The following ZNF600 variants were observed in gnomAD, a reference collection of about 807,000 sequenced individuals.
ZNF600 encodes zinc finger protein 600.
Under a neutral mutation model 7.3 loss-of-function variants are expected in ZNF600, and 4 were observed. The observed-to-expected ratio is 0.55, with a 90% CI of 0.27 to 1.25. The LOEUF is 1.25. Ranked by LOEUF, ZNF600 falls within the 50% of genes most tolerant of loss-of-function variation. The pLI is 0.12. For synonymous variants in ZNF600, 290 were observed against 308.9 expected, an observed-to-expected ratio of 0.94 and a Z score of 0.64; for missense variants, 911 against 922.1, an observed-to-expected ratio of 0.99 and a Z score of 0.16.
the ZNF600 span, chr19:52,801,186 C>T: frequency 6.2e-7 from 1 of 1,614,150 alleles, no homozygotes. Flanking sequence ...GGATTTGCCA[C>T]TCTCAATACA....
intron 3 of ZNF600, among the ~76,000 whole-genome samples, chr19:52,774,026 T>C (rs56201935): frequency 0.37 from 56,806 of 151,644 alleles, 12,571 homozygotes; most frequent in Non-Finnish European, 0.51. Flanking sequence ...CCTGGCAGCA[T>C]TATTTATAAT....
exon 4 of ZNF600, chr19:52,766,210 G>T: frequency 6.2e-7 from 1 of 1,613,674 alleles, no homozygotes; most frequent in South Asian, 1.1e-5. Context: ...ACTCTGCGAT[G>T]GCTTGCAAGG....
chr19:52,786,707 A>C lies in ZNF600; in HGVS notation c.-132T>G, dbSNP rs1295414903. 3.1e-6 allele frequency: 1 copy of C among 321,082 alleles called. No homozygotes were observed. Among genetic ancestry groups the C allele is most frequent in the Non-Finnish European group, 6.7e-6 (1 of 149,556 alleles). 19.9% of individuals were successfully genotyped at this position (321,082 alleles called of 1,614,324 possible). On this transcript the variant is annotated 5_prime_UTR_variant, in exon 1 of 4. The change creates a new upstream start codon in the 5' untranslated region. Coordinates refer to ENST00000648973, the Ensembl canonical transcript of ZNF600. The stretch of plus-strand genomic sequence containing the variant: ...CCGGGGACCTGGGAAGTGCAGACTT[A>C]ATCCAAGGCAGAGCAAAACTCACGC...
At chr19:52,767,082 T>C in exon 4 of ZNF600, 2 of 1,614,172 alleles carry the variant, frequency 1.2e-6, no homozygotes, top group Non-Finnish European at 8.5e-7. Context: ...ACTGAAGGAC[T>C]TTCCACACTC....
chr19:52,795,441 TAA>T, the ZNF600 span, among the ~76,000 whole-genome samples: 116,632 of 151,062 alleles, frequency 0.77, 45,993 homozygotes, highest in Non-Finnish European at 0.87. Context: ...TTACAGTGGT[TAA>T]AAAAATATAT....
the ZNF600 span, among the ~76,000 whole-genome samples, chr19:52,821,371 C>A: frequency 6.6e-6 from 1 of 152,098 alleles, no homozygotes; most frequent in African/African-American, 2.4e-5. Flanking sequence ...GTATACATTG[C>A]CCTGTAGCAG....
At chr19:52,824,159 TAAAAC>T in the ZNF600 span, among the ~76,000 whole-genome samples, 32 of 151,506 alleles carry the variant, frequency 2.1e-4, no homozygotes, top group Middle Eastern at 3.4e-3. Flanking sequence ...CAAAACAAAA[TAAAAC>T]AAAACAAAAC....
the ZNF600 span, among the ~76,000 whole-genome samples, chr19:52,826,421 C>T: frequency 3.4e-4 from 51 of 151,892 alleles, no homozygotes; most frequent in African/African-American, 1.1e-3. Context: ...AAGTACAAAA[C>T]TTAGCGCTGG....
Position 52,783,424 on chromosome 19 carries a change from C to T in ZNF600, c.-20+3171G>A, listed in dbSNP as rs181461397. Among the ~76,000 whole-genome samples, 257 of 152,250 alleles carry T rather than the reference C, an allele frequency of 1.7e-3. 1 individual carries two copies. The highest frequency in any genetic ancestry group is 5.6e-3 in the African/African-American group (234 of 41,546). On this transcript the variant is annotated intron_variant, in intron 1 of 3. Coordinates refer to ENST00000648973, the Ensembl canonical transcript of ZNF600. Reference sequence around the variant, plus strand: ...TCGCCCAGGCTGGAGGGCAGTGGCGCGATCTCGGCTCACTGCAAGCTCCGC... The same window carrying T: ...TCGCCCAGGCTGGAGGGCAGTGGCGTGATCTCGGCTCACTGCAAGCTCCGC...
chr19:52,827,704 C>T, the ZNF600 span, among the ~76,000 whole-genome samples: 1 of 151,830 alleles, frequency 6.6e-6, no homozygotes, highest in African/African-American at 2.4e-5. Context: ...GCCACCACGC[C>T]TGGCTAATTT....
exon 4 of ZNF600, chr19:52,765,836 A>G (rs755289003): frequency 6.2e-7 from 1 of 1,613,932 alleles, no homozygotes; most frequent in South Asian, 1.1e-5. Context: ...CACATGTTTC[A>G]CATTTGTAAA....
chr19:52,787,649 G>C (rs867102163), upstream of ZNF600, among the ~76,000 whole-genome samples: 4 of 151,322 alleles, frequency 2.6e-5, no homozygotes, highest in South Asian at 2.1e-4. Context: ...ATGAGGTCAG[G>C]AGATCGAGAC....
At chr19:52,812,762 T>TTTA in the ZNF600 span, among the ~76,000 whole-genome samples, 4 of 75,402 alleles carry the variant, frequency 5.3e-5, no homozygotes, top group Non-Finnish European at 8.5e-5. Context: ...GAATGATCAA[T>TTTA]AAAAAAAAAA....
At chr19:52,818,018 T>C in the ZNF600 span, 2 of 1,606,902 alleles carry the variant, frequency 1.2e-6, no homozygotes, top group African/African-American at 1.3e-5. Flanking sequence ...ACCAAGATTC[T>C]TTAGAAGTCA....
At chr19:52,766,229 C>T in exon 4 of ZNF600, 1 of 1,613,584 alleles carries the variant, frequency 6.2e-7, no homozygotes. Flanking sequence ...GGTATGACCT[C>T]AGACGGAAGG....
chr19:52,810,751 A>AT, the ZNF600 span: 1 of 625,144 alleles, frequency 1.6e-6, no homozygotes. Flanking sequence ...AGAGGAAAGA[A>AT]GGGGAAAAAA....
the ZNF600 span, among the ~76,000 whole-genome samples, chr19:52,812,761 A>AT: frequency 2.4e-3 from 154 of 65,092 alleles, no homozygotes; most frequent in Middle Eastern, 9.3e-3. Context: ...AGAATGATCA[A>AT]TAAAAAAAAA....
chr19:52,794,347 G>A, the ZNF600 span, among the ~76,000 whole-genome samples: 6 of 152,068 alleles, frequency 3.9e-5, no homozygotes, highest in African/African-American at 4.8e-5. Flanking sequence ...CACTTATTTG[G>A]CAAAGTATTT....
the ZNF600 span, chr19:52,809,824 G>A: frequency 1.9e-6 from 1 of 530,310 alleles, no homozygotes; most frequent in Non-Finnish European, 3.3e-6. Flanking sequence ...AGCGGCGAAG[G>A]CGGCGGCGGC....
Sources: gnomAD v4.1 joint callset for allele counts (sites outside exome capture counted in the v4.1 genomes callset) on GRCh38, gnomAD v4.1.1 for gene constraint, MANE v1.5 for transcripts, NCBI Gene and HGNC (gene_info 2026-07-23, HGNC 2026-07-21) for gene names.